The following UBAC2 variants were observed in gnomAD, a reference collection of about 807,000 sequenced individuals.
UBAC2 encodes UBA domain containing 2.
Under a neutral mutation model 44.0 loss-of-function variants are expected in UBAC2, and 26 were observed. The observed-to-expected ratio is 0.59, with a 90% CI of 0.43 to 0.82. The LOEUF (loss-of-function observed/expected upper bound fraction) is 0.82. Ranked by LOEUF, UBAC2 falls within the 40% of genes least tolerant of loss-of-function variation. The pLI is 0.00. For missense variants in UBAC2, 329 were observed against 419.4 expected (o/e 0.78, Z 1.88); for synonymous variants, 155 against 154.3 (o/e 1.00, Z -0.04).
Position 99,200,889 on chromosome 13 carries a change from G to T in UBAC2, c.-20G>T. ...TTCCCCTCCCCCGGCGCCCTCTGGG[G>T]CTCCGAGCCCGGCGGGACCATGTTC... is the stretch of plus-strand genomic sequence containing the variant. On this transcript the variant is annotated 5_prime_UTR_variant, in exon 1 of 9. Transcript: ENST00000403766. 1 of 1,302,308 alleles carries T rather than the reference G, an allele frequency of 7.7e-7. No individual in the cohort carries two copies. 80.7% of individuals were successfully genotyped at this position (1,302,308 alleles called of 1,614,324 possible). A position where few individuals can be genotyped will look rare whatever the true frequency, so the allele number is the denominator to read the frequency against.
chr13:99,317,319 C>G (rs190961012), intron 5 of UBAC2, among the ~76,000 whole-genome samples: 2 of 152,152 alleles, frequency 1.3e-5, no homozygotes, highest in Non-Finnish European at 2.9e-5. Flanking sequence ...CAAATCATTT[C>G]TTTGTTGCAG....
At chr13:99,255,630 A>G (rs751964738) in intron 4 of UBAC2, 11 of 1,614,074 alleles carry the variant, frequency 6.8e-6, no homozygotes, top group Non-Finnish European at 8.5e-6. Context: ...CTTTTGCATA[A>G]TAAAACATTC....
At chr13:99,275,913 T>C (rs927285754) in intron 4 of UBAC2, among the ~76,000 whole-genome samples, 2 of 152,226 alleles carry the variant, frequency 1.3e-5, no homozygotes, top group Non-Finnish European at 2.9e-5. Flanking sequence ...TCTTCCCTGC[T>C]CACCACCAAT....
chr13:99,208,177 A>G (rs2142647513), intron 1 of UBAC2, among the ~76,000 whole-genome samples: 1 of 152,054 alleles, frequency 6.6e-6, no homozygotes, highest in Non-Finnish European at 1.5e-5. Flanking sequence ...TTGTATTTTT[A>G]GTAGAGACGG....
chr13:99,353,744 C>A (rs890632221), intron 7 of UBAC2, among the ~76,000 whole-genome samples: 13 of 151,980 alleles, frequency 8.6e-5, no homozygotes, highest in Non-Finnish European at 1.9e-4. Context: ...AAAAAGCCAT[C>A]CTGATGGGTT....
intron 1 of UBAC2, 161 bp downstream of exon 1, chr13:99,201,100 A>G (rs1052435966): frequency 6.7e-6 from 9 of 1,352,260 alleles, no homozygotes; most frequent in African/African-American, 1.5e-5. Context: ...CTTGGGGGTC[A>G]GCGGAAACCG....
intron 4 of UBAC2, among the ~76,000 whole-genome samples, chr13:99,285,747 G>A (rs1403438058): frequency 1.3e-5 from 2 of 152,160 alleles, no homozygotes; most frequent in African/African-American, 4.8e-5. Context: ...TAAAGCAGAG[G>A]TTGGAAAGCT....
chr13:99,240,130 G>T (rs1319882808), intron 2 of UBAC2, among the ~76,000 whole-genome samples: 1 of 152,008 alleles, frequency 6.6e-6, no homozygotes, highest in Non-Finnish European at 1.5e-5. Context: ...GCTTTATTTT[G>T]TAAGTTCTGA....
chr13:99,380,449 A>G (rs1047898940), intron 8 of UBAC2, among the ~76,000 whole-genome samples: 29 of 152,188 alleles, frequency 1.9e-4, no homozygotes, highest in Non-Finnish European at 2.2e-4. Context: ...AGCCCTACAG[A>G]CAACTGTTCT....
intron 7 of UBAC2, among the ~76,000 whole-genome samples, chr13:99,353,111 A>G (rs1168439339): frequency 2.0e-5 from 3 of 152,262 alleles, no homozygotes; most frequent in Non-Finnish European, 4.4e-5. Context: ...TCAACAAAGC[A>G]GTCTAATCAG....
At chr13:99,313,683 G>A (rs566519978) in intron 4 of UBAC2, among the ~76,000 whole-genome samples, 9 of 152,254 alleles carry the variant, frequency 5.9e-5, no homozygotes, top group Admixed American at 2.0e-4. Context: ...GAGGTGAACC[G>A]TGCCAGTGCC....
chr13:99,250,847 A>AGCT (rs2043449907), intron 4 of UBAC2, among the ~76,000 whole-genome samples: 7 of 152,044 alleles, frequency 4.6e-5, no homozygotes, highest in Admixed American at 1.3e-4. Context: ...CCCAGGTTCA[A>AGCT]GCAATTCTCC....
chr13:99,270,754 T>G (rs1219946559), intron 4 of UBAC2, among the ~76,000 whole-genome samples: 1 of 152,350 alleles, frequency 6.6e-6, no homozygotes, highest in East Asian at 1.9e-4. Flanking sequence ...GTACTTTTAT[T>G]AACTTAGAAA....
intron 4 of UBAC2, among the ~76,000 whole-genome samples, chr13:99,247,802 T>A (rs1339740530): frequency 1.3e-5 from 2 of 152,176 alleles, no homozygotes; most frequent in Non-Finnish European, 2.9e-5. Context: ...CTAATATTTT[T>A]CTTTCCCATC....
At chr13:99,239,938 G>A (rs1235425632) in intron 2 of UBAC2, among the ~76,000 whole-genome samples, 1 of 152,156 alleles carries the variant, frequency 6.6e-6, no homozygotes, top group African/African-American at 2.4e-5. Flanking sequence ...TTAGGGGTGT[G>A]AGCCTTCAGT....
At chr13:99,312,101 A>G (rs919632176) in intron 4 of UBAC2, among the ~76,000 whole-genome samples, 1 of 152,198 alleles carries the variant, frequency 6.6e-6, no homozygotes, top group Non-Finnish European at 1.5e-5. Flanking sequence ...GCCATTTATC[A>G]CATTTGTTTT....
chr13:99,262,563 C>T (rs1220543213), intron 4 of UBAC2, among the ~76,000 whole-genome samples: 3 of 151,860 alleles, frequency 2.0e-5, no homozygotes, highest in Non-Finnish European at 4.4e-5. Context: ...ATTAGCTGGG[C>T]ATGGTGGTGC....
chr13:99,243,871 T>C lies in UBAC2; in HGVS notation c.199T>C (p.Leu67=), dbSNP rs1180651247. Residue 67 remains leucine, a synonymous_variant, in exon 3 of 9, where the codon TTG becomes CTG. Transcript: ENST00000403766. ...ATGTGGAAGAATAATTTGCCTTGAT[T>C]TGAAAGATACTTTCTGCAGTAGTCT... ...LICGRIICLD[L]KDTFCSSLLI... is the part of the protein sequence containing the mutation. 9 of 1,576,392 alleles carry C rather than the reference T, an allele frequency of 5.7e-6. No homozygotes were observed. The highest frequency in any genetic ancestry group is 7.8e-6 in the Non-Finnish European group (9 of 1,159,464).
chr13:99,348,591 A>G (rs1285135900), intron 7 of UBAC2, among the ~76,000 whole-genome samples: 1 of 152,262 alleles, frequency 6.6e-6, no homozygotes, highest in African/African-American at 2.4e-5. Flanking sequence ...CTTCTACCAA[A>G]CTAAGAATTG....
Sources: allele counts gnomAD v4.1 joint callset (sites outside exome capture counted in the v4.1 genomes callset), GRCh38; gene constraint gnomAD v4.1.1; transcripts MANE v1.5; gene names NCBI Gene and HGNC (gene_info 2026-07-23, HGNC 2026-07-21).